KCNH7: variants seen among roughly 807,000 people sequenced by gnomAD.
The protein encoded by KCNH7 is potassium voltage-gated channel subfamily H member 7, also known as voltage-gated inwardly rectifying potassium channel KCNH7.
KCNH7 carries 49 observed loss-of-function variants against 120.8 expected under a neutral mutation model. That is an observed-to-expected ratio of 0.41 (90% CI 0.32 to 0.51). The LOEUF (loss-of-function observed/expected upper bound fraction) is 0.51, where lower values mean the gene tolerates loss of function less well. KCNH7 is among the 20% of genes least tolerant of loss of function. The pLI, the probability that KCNH7 is intolerant of heterozygous loss-of-function variation, is 0.38. For missense variants in KCNH7, 1,097 were observed against 1,446.6 expected (o/e 0.76, Z 3.92); for synonymous variants, 547 against 516.1 (o/e 1.06, Z -0.81).
At chr2:162,767,300 A>G (rs572635882) in intron 2 of KCNH7, among the ~76,000 whole-genome samples, 2 of 152,288 alleles carry the variant, frequency 1.3e-5, no homozygotes, top group Admixed American at 1.3e-4. Flanking sequence ...AGCAGTATAT[A>G]CATTTGAAAA....
intron 2 of KCNH7, among the ~76,000 whole-genome samples, chr2:162,751,711 TAATA>T (rs994285229): frequency 2.0e-5 from 3 of 151,854 alleles, no homozygotes; most frequent in African/African-American, 4.8e-5. Flanking sequence ...TTAAATATTA[TAATA>T]AATAACAATA....
chr2:162,809,045 C>T (rs1684644059), intron 2 of KCNH7, among the ~76,000 whole-genome samples: 1 of 152,126 alleles, frequency 6.6e-6, no homozygotes, highest in South Asian at 2.1e-4. Flanking sequence ...TTGAATTTTA[C>T]AGACAGAAAT....
At chr2:162,531,927 G>A (rs897543165) in intron 3 of KCNH7, among the ~76,000 whole-genome samples, 4 of 151,758 alleles carry the variant, frequency 2.6e-5, no homozygotes, top group East Asian at 2.0e-4. Context: ...TTCATTATAC[G>A]CATATTTTTC....
intron 6 of KCNH7, among the ~76,000 whole-genome samples, chr2:162,467,013 C>G (rs1689332242): frequency 6.6e-6 from 1 of 152,256 alleles, no homozygotes; most frequent in South Asian, 2.1e-4. Flanking sequence ...CCAAATAATT[C>G]TGTTTGACTT....
intron 2 of KCNH7, among the ~76,000 whole-genome samples, chr2:162,801,336 G>T (rs891091595): frequency 2.0e-5 from 3 of 151,512 alleles, no homozygotes; most frequent in African/African-American, 7.3e-5. Flanking sequence ...TTAACTGCAG[G>T]AATAGCAATT....
intron 2 of KCNH7, among the ~76,000 whole-genome samples, chr2:162,652,301 T>C: frequency 6.6e-6 from 1 of 152,176 alleles, no homozygotes; most frequent in East Asian, 1.9e-4. Flanking sequence ...ATGATAATAA[T>C]ACCATTTAGC....
intron 6 of KCNH7, among the ~76,000 whole-genome samples, chr2:162,503,660 G>A (rs558035193): frequency 5.9e-5 from 9 of 152,118 alleles, no homozygotes; most frequent in Admixed American, 2.0e-4. Context: ...GATAAAGAAT[G>A]GGGGCAAGCT....
chr2:162,420,170 G>A (rs113718118), intron 9 of KCNH7, among the ~76,000 whole-genome samples: 3,286 of 152,188 alleles, frequency 0.022, 132 homozygotes, highest in African/African-American at 0.074. Flanking sequence ...GAGATCAGGA[G>A]GCCAAGACCA....
intron 2 of KCNH7, among the ~76,000 whole-genome samples, chr2:162,542,222 C>CT (rs371838497): frequency 0.03 from 4,375 of 147,002 alleles, 200 homozygotes; most frequent in African/African-American, 0.1. Context: ...GGCTGTGATT[C>CT]TTTTTTTTTC....
chr2:162,502,710 A>C (rs1690725400), intron 6 of KCNH7, among the ~76,000 whole-genome samples: 1 of 151,970 alleles, frequency 6.6e-6, no homozygotes, highest in South Asian at 2.1e-4. Context: ...ATTGATATTT[A>C]TATATATGCT....
At chr2:162,402,099 T>C (rs1276996648) in intron 9 of KCNH7, among the ~76,000 whole-genome samples, 3 of 151,548 alleles carry the variant, frequency 2.0e-5, no homozygotes, top group Non-Finnish European at 4.4e-5. Flanking sequence ...TAACTGTAAC[T>C]GTTGGGCTTG....
intron 12 of KCNH7, among the ~76,000 whole-genome samples, chr2:162,387,349 T>TA (rs1179665125): frequency 5.9e-5 from 9 of 151,352 alleles, no homozygotes; most frequent in Non-Finnish European, 1.0e-4. Flanking sequence ...GCTGATGTAA[T>TA]ATGTACATGA....
In KCNH7 at chr2:162,471,774, T is replaced by C. The variant is rs566381159; in HGVS notation, c.1129-25331A>G. The stretch of plus-strand genomic sequence containing the variant: ...TATGGAACCAAAAAAGAGCCTGCAC[T>C]GCCAAGTCAATCCTAAGCCAAAAGA... On this transcript the variant is annotated intron_variant, in intron 6 of 15. Transcript: ENST00000332142. Among the ~76,000 whole-genome samples the C allele has an allele frequency of 3.6e-4, 55 of 152,244 alleles. No individual in the cohort carries two copies. In the South Asian group the frequency reaches 6.2e-3, roughly 17 times the overall value.
intron 2 of KCNH7, chr2:162,795,710 A>G (rs1025181919): frequency 1.3e-5 from 2 of 152,120 alleles, no homozygotes; most frequent in Admixed American, 6.6e-5. Flanking sequence ...TCTTCATCTT[A>G]TCTTGAGCTA....
chr2:162,685,585 C>G (rs993385039), intron 2 of KCNH7, among the ~76,000 whole-genome samples: 1 of 151,740 alleles, frequency 6.6e-6, no homozygotes, highest in African/African-American at 2.4e-5. Flanking sequence ...TCTTAGTATA[C>G]CTGAGGTGGT....
chr2:162,618,723 A>T (rs1683234950), intron 2 of KCNH7, among the ~76,000 whole-genome samples: 1 of 152,180 alleles, frequency 6.6e-6, no homozygotes, highest in South Asian at 2.1e-4. Context: ...ATCTTCCCTC[A>T]AAATAAATGA....
At chr2:162,609,363 A>G (rs1232774423) in intron 2 of KCNH7, among the ~76,000 whole-genome samples, 1 of 152,142 alleles carries the variant, frequency 6.6e-6, no homozygotes, top group Non-Finnish European at 1.5e-5. Context: ...AGACTAGAGA[A>G]TGCATTTTTC....
intron 9 of KCNH7, among the ~76,000 whole-genome samples, chr2:162,419,296 A>T (rs1412285943): frequency 6.6e-6 from 1 of 150,954 alleles, no homozygotes; most frequent in Non-Finnish European, 1.5e-5. Flanking sequence ...AAAAAAAAAA[A>T]AGCAACTATT....
chr2:162,808,751 A>G (rs1684635073), intron 2 of KCNH7, among the ~76,000 whole-genome samples: 1 of 151,678 alleles, frequency 6.6e-6, no homozygotes, highest in African/African-American at 2.4e-5. Context: ...ATATATACAT[A>G]TAATAAAAGA....
Sources: allele counts gnomAD v4.1 joint callset (sites outside exome capture counted in the v4.1 genomes callset), GRCh38; gene constraint gnomAD v4.1.1; transcripts MANE v1.5; gene names NCBI Gene and HGNC (gene_info 2026-07-23, HGNC 2026-07-21).